The following ATP8B4 variants were observed in gnomAD, a reference collection of about 807,000 sequenced individuals.
ATP8B4 encodes ATPase phospholipid transporting 8B4 (putative), also known as probable phospholipid-transporting ATPase IM.
In ATP8B4, 133 loss-of-function variants were observed where a neutral mutation model predicts 145.6. The ratio of observed to expected loss-of-function variants is 0.91; its 90% CI spans 0.79 to 1.05. The LOEUF (loss-of-function observed/expected upper bound fraction) is 1.05. ATP8B4 is among the 50% of genes least tolerant of loss of function. The pLI, the probability that ATP8B4 is intolerant of heterozygous loss-of-function variation, is 0.00. For synonymous variants in ATP8B4, 507 were observed against 492.9 expected (o/e 1.03, Z -0.38); for missense variants, 1,458 against 1,425.2 (o/e 1.02, Z -0.37).
intron 1 of ATP8B4, among the ~76,000 whole-genome samples, chr15:50,143,449 T>G (rs56328913): frequency 1.3e-5 from 2 of 152,352 alleles, no homozygotes; most frequent in African/African-American, 4.8e-5. Context: ...GCTGCTTTAG[T>G]GTCCTCATAG....
At chr15:49,897,919 G>A (rs2037587344) in intron 22 of ATP8B4, 149 bp downstream of exon 22, 1 of 853,556 alleles carries the variant, frequency 1.2e-6, no homozygotes. Flanking sequence ...TACTAATAAT[G>A]GTGGTAGCAT....
intron 14 of ATP8B4, among the ~76,000 whole-genome samples, chr15:49,961,465 A>G (rs1025693809): frequency 2.6e-5 from 4 of 152,214 alleles, no homozygotes; most frequent in African/African-American, 9.6e-5. Context: ...TATATTCTCT[A>G]ACATGTGAAA....
rs1299534841 is a variant in ATP8B4 at position 49,996,776 on chromosome 15, A to G, written c.507-17T>C. Reference sequence around the variant, plus strand: ...TTCGTTTCCCTGTGAAATTATTGACATGACATGAATTTTTATATGGAACAG... The same window carrying G: ...TTCGTTTCCCTGTGAAATTATTGACGTGACATGAATTTTTATATGGAACAG... On this transcript the variant is annotated splice_polypyrimidine_tract_variant and intron_variant, in intron 8 of 27. Transcript: ENST00000284509. The G allele has an allele frequency of 6.3e-6, 10 of 1,596,042 alleles. No homozygotes were observed. The highest frequency in any genetic ancestry group is 2.7e-5 in the African/African-American group (2 of 74,572).
intron 25 of ATP8B4, 67 bp from the exon 26 acceptor site, chr15:49,866,551 A>C: frequency 6.4e-7 from 1 of 1,569,562 alleles, no homozygotes; most frequent in Non-Finnish European, 8.7e-7. Context: ...TTACCTCGTG[A>C]TGTTTCGCGA....
At chr15:49,898,442 A>C (rs946839898) in intron 21 of ATP8B4, among the ~76,000 whole-genome samples, 191 bp from the exon 22 acceptor site, 13 of 152,228 alleles carry the variant, frequency 8.5e-5, no homozygotes, top group African/African-American at 2.7e-4. Flanking sequence ...TGAACTCCTA[A>C]GCAAATTTTA....
At chr15:49,872,767 C>T (rs1384720689) in intron 25 of ATP8B4, among the ~76,000 whole-genome samples, 1 of 152,092 alleles carries the variant, frequency 6.6e-6, no homozygotes, top group Non-Finnish European at 1.5e-5. Flanking sequence ...AACATGACCA[C>T]TAAATTCAAT....
At chr15:49,870,621 T>C (rs2033542361) in intron 25 of ATP8B4, among the ~76,000 whole-genome samples, 1 of 152,190 alleles carries the variant, frequency 6.6e-6, no homozygotes. Flanking sequence ...AATGCTGCTG[T>C]CAAAGTGAGC....
At chr15:49,982,667 C>T (rs1476655287) in intron 10 of ATP8B4, 1 of 152,102 alleles carries the variant, frequency 6.6e-6, no homozygotes, top group Non-Finnish European at 1.5e-5. Context: ...ATTAGGCACA[C>T]AAATGCACAC....
intron 1 of ATP8B4, among the ~76,000 whole-genome samples, chr15:50,177,910 A>G (rs1367015948): frequency 2.0e-5 from 3 of 152,216 alleles, no homozygotes; most frequent in Non-Finnish European, 4.4e-5. Flanking sequence ...CTGCTTTAAA[A>G]GAACATTTGA....
intron 23 of ATP8B4, among the ~76,000 whole-genome samples, chr15:49,889,573 A>G (rs2036575808): frequency 6.6e-6 from 1 of 152,202 alleles, no homozygotes; most frequent in African/African-American, 2.4e-5. Flanking sequence ...AAGTGCCACC[A>G]TCCCACAGGC....
intron 1 of ATP8B4, among the ~76,000 whole-genome samples, chr15:50,162,222 T>C (rs1167856492): frequency 6.6e-6 from 1 of 152,056 alleles, no homozygotes; most frequent in East Asian, 1.9e-4. Context: ...CCTTGACCTT[T>C]GAAGTCTGAT....
chr15:49,975,045 T>C (rs1488215038), intron 12 of ATP8B4, among the ~76,000 whole-genome samples: 1 of 152,202 alleles, frequency 6.6e-6, no homozygotes, highest in African/African-American at 2.4e-5. Context: ...CACCCATTTA[T>C]TTTTCCTGAT....
At chr15:49,966,837 G>A (rs1296248408) in intron 13 of ATP8B4, among the ~76,000 whole-genome samples, 1 of 152,216 alleles carries the variant, frequency 6.6e-6, no homozygotes, top group Non-Finnish European at 1.5e-5. Context: ...ACATCTCCCA[G>A]CGGAGGTCGA....
chr15:50,012,402 C>A (rs541751697), intron 6 of ATP8B4, among the ~76,000 whole-genome samples: 2 of 152,150 alleles, frequency 1.3e-5, no homozygotes, highest in African/African-American at 2.4e-5. Flanking sequence ...GATGATATTG[C>A]GTCTTATTTC....
intron 3 of ATP8B4, among the ~76,000 whole-genome samples, chr15:50,062,739 T>C (rs193251844): frequency 4.8e-4 from 73 of 152,250 alleles, no homozygotes; most frequent in African/African-American, 1.7e-3. Flanking sequence ...TAGCACAACA[T>C]GCAGTTTATT....
Position 49,923,379 on chromosome 15 carries a change from A to G in ATP8B4, c.1758T>C (p.Ser586=), listed in dbSNP as rs1209441162. 1 of 1,601,850 alleles carries G rather than the reference A, an allele frequency of 6.2e-7. No individual in the cohort carries two copies. The highest frequency in any genetic ancestry group is 1.3e-5 in the African/African-American group (1 of 74,522). The part of the protein sequence containing the change: ...VLLSLTSDHL[S]EFAGEGLRTL... ...CTAACCTTAAGACGGAGGCACTTACACTGAGGTGGTCTGACGTCAAAGACA... is the reference window on the plus strand; with the variant it reads ...CTAACCTTAAGACGGAGGCACTTACGCTGAGGTGGTCTGACGTCAAAGACA... The change falls in exon 17 of 28, where the codon AGT becomes AGC. Residue 586 remains serine (S), a splice_region_variant and synonymous_variant. Transcript: ENST00000284509.
chr15:50,168,695 G>A (rs2044628281), intron 1 of ATP8B4, among the ~76,000 whole-genome samples: 1 of 152,172 alleles, frequency 6.6e-6, no homozygotes, highest in Admixed American at 6.5e-5. Flanking sequence ...GAACTCAAGA[G>A]GAGGGCACGA....
At chr15:50,149,722 A>G (rs2153680691) in intron 1 of ATP8B4, among the ~76,000 whole-genome samples, 1 of 152,342 alleles carries the variant, frequency 6.6e-6, no homozygotes, top group South Asian at 2.1e-4. Flanking sequence ...AAGGCATTGC[A>G]GTGGGAAAGC....
At chr15:49,955,147 A>G (rs554175503) in intron 14 of ATP8B4, among the ~76,000 whole-genome samples, 5 of 152,216 alleles carry the variant, frequency 3.3e-5, no homozygotes, top group Non-Finnish European at 7.3e-5. Context: ...CAAAGATGGG[A>G]ACAATAGCCA....
Sources: allele counts gnomAD v4.1 joint callset (sites outside exome capture counted in the v4.1 genomes callset), GRCh38; gene constraint gnomAD v4.1.1; transcripts MANE v1.5; gene names NCBI Gene and HGNC (gene_info 2026-07-23, HGNC 2026-07-21).